CSGALNACT1: variants seen among roughly 807,000 people sequenced by gnomAD.
CSGALNACT1 encodes chondroitin sulfate N-acetylgalactosaminyltransferase 1.
A neutral mutation model predicts 51.0 loss-of-function variants in CSGALNACT1; 52 were observed. The observed-to-expected ratio is 1.02, with a 90% confidence interval of 0.82 to 1.29. The LOEUF (loss-of-function observed/expected upper bound fraction) is 1.29, where lower values mean the gene tolerates loss of function less well. Ranked by LOEUF, CSGALNACT1 falls within the 50% of genes most tolerant of loss-of-function variation. The probability of loss-of-function intolerance (pLI) is 0.00; values close to 1 mark genes in which losing one functional copy is unlikely to be tolerated. For synonymous variants in CSGALNACT1, 341 were observed against 254.4 expected (o/e 1.34, Z -3.24); for missense variants, 935 against 679.2 (o/e 1.38, Z -4.19).
chr8:19,474,503 G>A (rs534417279), intron 4 of CSGALNACT1, among the ~76,000 whole-genome samples: 3 of 152,112 alleles, frequency 2.0e-5, no homozygotes, highest in Admixed American at 2.0e-4. Flanking sequence ...AAGCCCAGAT[G>A]ATAGTGAATG....
chr8:19,713,131 G>A (rs2062606564), intron 1 of CSGALNACT1, among the ~76,000 whole-genome samples: 1 of 152,134 alleles, frequency 6.6e-6, no homozygotes, highest in South Asian at 2.1e-4. Flanking sequence ...TGTACTGCAA[G>A]ATCCTAAATC....
chr8:19,710,667 A>G (rs1257175240), intron 1 of CSGALNACT1, among the ~76,000 whole-genome samples: 1 of 152,212 alleles, frequency 6.6e-6, no homozygotes, highest in Non-Finnish European at 1.5e-5. Flanking sequence ...AAATGAGAAC[A>G]TGTTTGAAGG....
At chr8:19,557,902 C>G (rs556282043) in intron 3 of CSGALNACT1, among the ~76,000 whole-genome samples, 11 of 152,206 alleles carry the variant, frequency 7.2e-5, no homozygotes, top group Non-Finnish European at 1.6e-4. Context: ...TTTCAAGAAA[C>G]TTGTGATACT....
At chr8:19,738,225 T>A (rs752095695) in intron 1 of CSGALNACT1, among the ~76,000 whole-genome samples, 1 of 152,134 alleles carries the variant, frequency 6.6e-6, no homozygotes, top group Non-Finnish European at 1.5e-5. Flanking sequence ...CTCATCTCCA[T>A]AAAGAAAAAC....
intron 1 of CSGALNACT1, among the ~76,000 whole-genome samples, chr8:19,640,331 G>A (rs1008290536): frequency 4.6e-5 from 7 of 152,046 alleles, no homozygotes; most frequent in Admixed American, 3.9e-4. Flanking sequence ...TAAAGCACAT[G>A]ATCCCACACA....
intron 1 of CSGALNACT1, among the ~76,000 whole-genome samples, chr8:19,721,562 G>A (rs898931177): frequency 6.6e-6 from 1 of 152,144 alleles, no homozygotes. Context: ...GGGTGCTCAA[G>A]AGAGTTCAGA....
chr8:19,567,334 G>A lies in CSGALNACT1; in HGVS notation c.-297+23826C>T, dbSNP rs145373498. Among the ~76,000 whole-genome samples the A allele has an allele frequency of 5.6e-4, 85 of 152,288 alleles. 1 individual carries two copies. The highest frequency in any genetic ancestry group is 1.9e-3 in the African/African-American group (78 of 41,546). ...GAAAAAGAGTAGAAGGATCAGCCTA[G>A]AACCCAACCTAAGTAATAAAAGTCA... On this transcript the variant is annotated intron_variant, in intron 3 of 9. Coordinates refer to ENST00000454498, the Ensembl canonical transcript of CSGALNACT1.
intron 3 of CSGALNACT1, among the ~76,000 whole-genome samples, chr8:19,551,081 G>A (rs944994091): frequency 2.0e-5 from 3 of 152,160 alleles, no homozygotes; most frequent in Non-Finnish European, 4.4e-5. Context: ...CCCAGGGTTA[G>A]AAAAGCTATT....
chr8:19,731,454 GC>G (rs1457122236), intron 1 of CSGALNACT1, among the ~76,000 whole-genome samples: 2 of 152,082 alleles, frequency 1.3e-5, no homozygotes, highest in African/African-American at 4.8e-5. Context: ...GGTGCAGTGA[GC>G]CGAGATTACA....
At chr8:19,544,187 A>G (rs1483846790) in intron 3 of CSGALNACT1, among the ~76,000 whole-genome samples, 1 of 152,184 alleles carries the variant, frequency 6.6e-6, no homozygotes, top group Non-Finnish European at 1.5e-5. Context: ...CAGAGCCTGA[A>G]TAACAAATCT....
intron 3 of CSGALNACT1, among the ~76,000 whole-genome samples, chr8:19,588,700 T>C (rs2047180260): frequency 6.6e-6 from 1 of 152,234 alleles, no homozygotes; most frequent in African/African-American, 2.4e-5. Context: ...ATTGGATTTT[T>C]GTCAATTTTT....
At chr8:19,550,646 G>C (rs2087780768) in intron 3 of CSGALNACT1, among the ~76,000 whole-genome samples, 5 of 152,068 alleles carry the variant, frequency 3.3e-5, no homozygotes, top group South Asian at 2.1e-4. Context: ...TGTCTACCCT[G>C]AAATCTAAAA....
At chr8:19,428,825 A>ATGTGTGTGTGTGTGTG (rs59241616) in intron 6 of CSGALNACT1, among the ~76,000 whole-genome samples, 3 of 143,464 alleles carry the variant, frequency 2.1e-5, no homozygotes, top group South Asian at 2.4e-4. Flanking sequence ...AAGACATGAT[A>ATGTGTGTGTGTGTGTG]TGTGTGTGTG....
At chr8:19,460,426 T>C (rs546907191) in intron 4 of CSGALNACT1, among the ~76,000 whole-genome samples, 1 of 152,348 alleles carries the variant, frequency 6.6e-6, no homozygotes, top group Admixed American at 6.5e-5. Context: ...AAACATACAA[T>C]AGCTAGGGTT....
intron 4 of CSGALNACT1, among the ~76,000 whole-genome samples, chr8:19,501,043 A>T (rs937834029): frequency 3.3e-5 from 5 of 152,066 alleles, no homozygotes; most frequent in Non-Finnish European, 7.4e-5. Context: ...TGAGGTCAGG[A>T]GTTCGAGACC....
At chr8:19,575,895 T>C (rs2044095721) in intron 3 of CSGALNACT1, among the ~76,000 whole-genome samples, 1 of 152,146 alleles carries the variant, frequency 6.6e-6, no homozygotes, top group African/African-American at 2.4e-5. Context: ...ACCATACTTT[T>C]CTATCTTTTG....
At chr8:19,628,028 G>A (rs991453025) in intron 1 of CSGALNACT1, among the ~76,000 whole-genome samples, 1 of 152,116 alleles carries the variant, frequency 6.6e-6, no homozygotes. Context: ...AGTCTAAAAT[G>A]ATTTCAAAAT....
intron 1 of CSGALNACT1, among the ~76,000 whole-genome samples, chr8:19,751,504 G>C (rs1198689822): frequency 6.6e-6 from 1 of 152,096 alleles, no homozygotes; most frequent in South Asian, 2.1e-4. Flanking sequence ...TGAATCCTCT[G>C]TTCCAGATTA....
chr8:19,647,505 C>G (rs928481749), intron 1 of CSGALNACT1, among the ~76,000 whole-genome samples: 1 of 152,174 alleles, frequency 6.6e-6, no homozygotes, highest in Non-Finnish European at 1.5e-5. Context: ...CTTTCAATTC[C>G]TCAGCTCATC....
Sources: allele counts gnomAD v4.1 joint callset (sites outside exome capture counted in the v4.1 genomes callset), GRCh38; gene constraint gnomAD v4.1.1; transcripts MANE v1.5; gene names NCBI Gene and HGNC (gene_info 2026-07-23, HGNC 2026-07-21).